The following CLTRN variants were observed in gnomAD, a reference collection of about 807,000 sequenced individuals.
CLTRN encodes the protein collectrin, amino acid transport regulator.
CLTRN carries 12 observed loss-of-function variants against 14.5 expected under a neutral mutation model. The ratio of observed to expected loss-of-function variants is 0.83; its 90% CI spans 0.53 to 1.34. The LOEUF is 1.34. Among genes scored for constraint, CLTRN ranks in the 40% most tolerant of loss-of-function variants. The pLI, the probability that CLTRN is intolerant of heterozygous loss-of-function variation, is 0.00. For synonymous variants in CLTRN, 58 were observed against 56.5 expected (o/e 1.03, Z -0.12); for missense variants, 154 against 165.1 (o/e 0.93, Z 0.37).
Position 15,627,764 on chromosome X carries a change from T to C in CLTRN, c.*207A>G, listed in dbSNP as rs536494486. 15 of 282,747 alleles carry C rather than the reference T, an allele frequency of 5.3e-5. No homozygotes were observed. The highest frequency in any genetic ancestry group is 1.0e-4 in the East Asian group (2 of 19,481). 23.3% of individuals were successfully genotyped at this position (282,747 alleles called of 1,213,427 possible). A position where few individuals can be genotyped will look rare whatever the true frequency, so the allele number is the denominator to read the frequency against. On this transcript the variant is annotated 3_prime_UTR_variant, in exon 6 of 6. Transcript: ENST00000380342. ...ACACTATACTGTCAGAAAAATATTT[T>C]AGAATATTTTGAGTCGTGAATAGCT...
chrX:15,652,637 G>A (rs951341156), intron 3 of CLTRN, among the ~76,000 whole-genome samples: 5 of 111,407 alleles, frequency 4.5e-5, no homozygotes, highest in African/African-American at 1.6e-4. Flanking sequence ...TTTTCTTCAA[G>A]GTTTGTTTTT....
intron 5 of CLTRN, among the ~76,000 whole-genome samples, chrX:15,631,848 T>A (rs1042815229): frequency 8.9e-6 from 1 of 112,134 alleles, no homozygotes; most frequent in Non-Finnish European, 1.9e-5. Flanking sequence ...CAGTAATATA[T>A]CACTTTGTCA....
intron 5 of CLTRN, among the ~76,000 whole-genome samples, chrX:15,630,606 A>C (rs1427689956): frequency 8.9e-6 from 1 of 112,560 alleles, no homozygotes; most frequent in Non-Finnish European, 1.9e-5. Context: ...ACAATTAAAC[A>C]CAATAGGCAA....
intron 5 of CLTRN, among the ~76,000 whole-genome samples, chrX:15,630,784 A>G (rs1415914129): frequency 1.8e-5 from 2 of 111,999 alleles, no homozygotes; most frequent in Non-Finnish European, 3.8e-5. Context: ...AAGCATCAGC[A>G]ATCAGCAATC....
intron 2 of CLTRN, among the ~76,000 whole-genome samples, chrX:15,661,591 T>G: frequency 8.9e-6 from 1 of 112,604 alleles, no homozygotes; most frequent in Non-Finnish European, 1.9e-5. Context: ...ATTGAGCACA[T>G]ATATTAATGA....
chrX:15,646,470 G>A (rs866170746), intron 3 of CLTRN: 26 of 156,466 alleles, frequency 1.7e-4, no homozygotes, highest in African/African-American at 7.4e-4. Context: ...CCACCCCCCC[G>A]CCCGACCCCC....
At chrX:15,642,729 C>G (rs891737102) in intron 4 of CLTRN, among the ~76,000 whole-genome samples, 1 of 111,614 alleles carries the variant, frequency 9.0e-6, no homozygotes, top group Non-Finnish European at 1.9e-5. Context: ...GTGGCCTTAA[C>G]AAATCAATTA....
At chrX:15,670,879 AGTGTGTGTGTGTGTGTGTGTGTGT>A (rs543420208) in intron 1 of CLTRN, among the ~76,000 whole-genome samples, 2,089 of 85,065 alleles carry the variant, frequency 0.025, 51 homozygotes, top group African/African-American at 0.073. Flanking sequence ...AAGGGAGACA[AGTGTGTGTGTGTGTGTGTGTGTGT>A]GTGTGTGTGT....
intron 2 of CLTRN, 76 bp from the exon 3 acceptor site, chrX:15,659,177 C>T (rs200718522): frequency 4.9e-6 from 2 of 412,019 alleles, no homozygotes; most frequent in Non-Finnish European, 4.4e-6. Context: ...AGTGGCTCTC[C>T]CTCTCTCTCT....
chrX:15,654,919 G>A (rs1257364548), intron 3 of CLTRN, among the ~76,000 whole-genome samples: 1 of 112,242 alleles, frequency 8.9e-6, no homozygotes, highest in Non-Finnish European at 1.9e-5. Context: ...TGAAGGAAGA[G>A]GTTGATGTTG....
At chrX:15,632,230 G>C (rs1928710850) in intron 5 of CLTRN, among the ~76,000 whole-genome samples, 1 of 111,971 alleles carries the variant, frequency 8.9e-6, no homozygotes, top group African/African-American at 3.2e-5. Context: ...TCTGTTCTAA[G>C]ATAAAGTAAT....
rs199900262 is a variant in CLTRN, at chrX:15,671,844, G to GCACACA, written c.-506+3139_-506+3144dup. 8.3e-3 allele frequency among the ~76,000 whole-genome samples: 746 copies of GCACACA among 90,030 alleles called. 7 individuals carry two copies. The highest frequency in any genetic ancestry group is 0.02 in the African/African-American group (509 of 24,857). The allele number at this position is 90,030 out of a possible 115,157, so 78.2% of individuals were successfully genotyped here. A position where few individuals can be genotyped will look rare whatever the true frequency, so the allele number is the denominator to read the frequency against. ...TTTTGGTATGCTTAATTTTATGCGC[G>GCACACA]CACACACACACACACACACACACAC... On this transcript the variant is annotated intron_variant, in intron 1 of 6. Coordinates refer to the CLTRN transcript ENST00000650271.
intron 4 of CLTRN, among the ~76,000 whole-genome samples, chrX:15,640,077 T>TCTCTGGAGGCAGGG (rs372032618): frequency 0.022 from 2,450 of 111,534 alleles, 73 homozygotes; most frequent in African/African-American, 0.073. Context: ...GAGGGACTCG[T>TCTCTGGAGGCAGGG]CTCTGGAGGC....
chrX:15,658,914 A>G, intron 3 of CLTRN, 102 bp downstream of exon 3: 1 of 382,741 alleles, frequency 2.6e-6, no homozygotes, highest in Non-Finnish European at 4.4e-6. Flanking sequence ...TCCCTTTGAA[A>G]AATTAGCTTA....
chrX:15,663,812 C>T (rs1220637966), intron 2 of CLTRN, among the ~76,000 whole-genome samples: 1 of 112,226 alleles, frequency 8.9e-6, no homozygotes, highest in Non-Finnish European at 1.9e-5. Context: ...CCACATGGGC[C>T]CTATGACTAT....
chrX:15,635,529 G>A (rs780124093), intron 5 of CLTRN, among the ~76,000 whole-genome samples: 10 of 112,103 alleles, frequency 8.9e-5, no homozygotes, highest in African/African-American at 3.2e-4. Flanking sequence ...CACACAATGA[G>A]GAAAGAACAA....
At chrX:15,667,129 C>T (rs994937567), upstream of CLTRN, among the ~76,000 whole-genome samples, 3 of 111,196 alleles carry the variant, frequency 2.7e-5, no homozygotes, top group African/African-American at 9.8e-5. Context: ...CCCAGCTACT[C>T]GGGAGGCTGA....
upstream of CLTRN, among the ~76,000 whole-genome samples, chrX:15,675,349 G>A (rs370268807): frequency 2.7e-5 from 3 of 110,946 alleles, no homozygotes; most frequent in Non-Finnish European, 5.7e-5. Context: ...GCGGAGTAGT[G>A]ACCGGCAAGG....
chrX:15,641,575 C>A (rs938980531), intron 4 of CLTRN, among the ~76,000 whole-genome samples: 19 of 109,666 alleles, frequency 1.7e-4, no homozygotes, highest in African/African-American at 6.0e-4. Flanking sequence ...TGGGCTCAAG[C>A]AATCCTCCTG....
Sources: allele counts gnomAD v4.1 joint callset (sites outside exome capture counted in the v4.1 genomes callset), GRCh38; gene constraint gnomAD v4.1.1; transcripts MANE v1.5; gene names NCBI Gene and HGNC (gene_info 2026-07-23, HGNC 2026-07-21).